ARHGAP19: variants seen among roughly 807,000 people sequenced by gnomAD.
ARHGAP19 encodes the protein rho GTPase-activating protein 19.
Under a neutral mutation model 60.9 loss-of-function variants are expected in ARHGAP19, and 48 were observed. That is an observed-to-expected ratio of 0.79 (90% CI 0.62 to 1.00). The LOEUF is 1.00. Ranked by LOEUF, ARHGAP19 falls within the 50% of genes least tolerant of loss-of-function variation. The pLI is 0.00. For missense variants in ARHGAP19, 562 were observed against 597.2 expected (o/e 0.94, Z 0.61); for synonymous variants, 209 against 215.5 (o/e 0.97, Z 0.27).
chr10:97,280,458 CTATTAACT>C (rs1448759067), intron 1 of ARHGAP19, among the ~76,000 whole-genome samples: 1 of 151,984 alleles, frequency 6.6e-6, no homozygotes, highest in Admixed American at 6.6e-5. Flanking sequence ...TCAAAATTCC[CTATTAACT>C]TGGAAAAAGT....
At chr10:97,270,502 TA>T in intron 1 of ARHGAP19, 1 of 836,522 alleles carries the variant, frequency 1.2e-6, no homozygotes. Context: ...TGTATAGGAC[TA>T]AAGAAAAAAC....
intron 8 of ARHGAP19, among the ~76,000 whole-genome samples, chr10:97,243,513 CT>C (rs1203565314): frequency 6.6e-6 from 1 of 152,168 alleles, no homozygotes; most frequent in Non-Finnish European, 1.5e-5. Flanking sequence ...GCAAACAACT[CT>C]GTTAGTAAAA....
chr10:97,229,036 A>G, intron 11 of ARHGAP19, 111 bp downstream of exon 11: 1 of 1,080,480 alleles, frequency 9.3e-7, no homozygotes, highest in Non-Finnish European at 1.4e-6. Flanking sequence ...TGTAATTTTT[A>G]TGTCACTTCT....
intron 6 of ARHGAP19, among the ~76,000 whole-genome samples, chr10:97,249,219 T>G (rs536479407): frequency 3.9e-4 from 60 of 152,242 alleles, no homozygotes; most frequent in African/African-American, 1.2e-3. Flanking sequence ...CCCAATAGAT[T>G]CCAGCAGGAT....
chr10:97,274,464 T>TA (rs60869967), intron 1 of ARHGAP19, among the ~76,000 whole-genome samples: 13,972 of 142,268 alleles, frequency 0.098, 1,589 homozygotes, highest in African/African-American at 0.28. Context: ...GACTCCATCT[T>TA]AAAAAAAAAA....
intron 1 of ARHGAP19, among the ~76,000 whole-genome samples, chr10:97,279,667 T>C (rs370532668): frequency 2.3e-4 from 35 of 152,174 alleles, no homozygotes; most frequent in Non-Finnish European, 1.9e-4. Context: ...TAATTTTTTT[T>C]TATTATTTGT....
At chr10:97,286,437 CA>C (rs1843156201) in intron 1 of ARHGAP19, among the ~76,000 whole-genome samples, 1 of 152,154 alleles carries the variant, frequency 6.6e-6, no homozygotes, top group Non-Finnish European at 1.5e-5. Flanking sequence ...ACTAAAAATA[CA>C]AAAATTAGCT....
At position 97,265,076 on chromosome 10, in the gene ARHGAP19, TC is replaced by T. The variant is rs538650524; in HGVS notation, c.323-171del. ...CACCAGAAAACGCGAGCAGGACAAC[TC>T]TCAATCAGCTCTCTCTAAGTTCAAT... is the stretch of plus-strand genomic sequence containing the variant. On this transcript the variant is annotated intron_variant, in intron 2 of 11. Transcript: ENST00000358531. Among the ~76,000 whole-genome samples the T allele has an allele frequency of 3.0e-4, 46 of 152,228 alleles. 1 individual carries two copies. The South Asian group carries it at 9.3e-3, about 31-fold the overall frequency.
chr10:97,242,646 G>A, intron 8 of ARHGAP19, among the ~76,000 whole-genome samples: 1 of 152,128 alleles, frequency 6.6e-6, no homozygotes, highest in Non-Finnish European at 1.5e-5. Context: ...CCGAGTAGCT[G>A]GGATTACAAG....
At chr10:97,234,614 A>G (rs544153522) in intron 9 of ARHGAP19, among the ~76,000 whole-genome samples, 4 of 152,138 alleles carry the variant, frequency 2.6e-5, no homozygotes, top group Non-Finnish European at 5.9e-5. Context: ...ATATTCCTTC[A>G]CTACATGTTC....
Position 97,256,331 on chromosome 10 carries a change from T to C in ARHGAP19, c.914A>G (p.Gln305Arg), listed in dbSNP as rs17112598. ...TCCCTTACCTACCTTAAAAAGTTTC[T>C]GGGAGTGTTTAATCATAAAAGCCAT... Reference protein sequence around the residue: ...SGMAFMIKHSQKLFKAPAYIR... With the variant: ...SGMAFMIKHSRKLFKAPAYIR... The change falls in exon 6 of 12, where the codon CAG becomes CGG. Residue 305 changes from glutamine (Q) to arginine (R), a missense_variant. Transcript: ENST00000358531. The C allele has an allele frequency of 0.014, 22,366 of 1,613,878 alleles. 612 individuals are homozygous for C. The highest frequency in any genetic ancestry group is 0.09 in the South Asian group (8,200 of 91,060).
At chr10:97,244,943 G>A (rs1842541933) in intron 7 of ARHGAP19, among the ~76,000 whole-genome samples, 1 of 149,684 alleles carries the variant, frequency 6.7e-6, no homozygotes, top group African/African-American at 2.5e-5. Context: ...GCTTAGAACA[G>A]GAAAGAAAGG....
chr10:97,280,922 A>C (rs1276078394), intron 1 of ARHGAP19, among the ~76,000 whole-genome samples: 3 of 152,320 alleles, frequency 2.0e-5, no homozygotes, highest in South Asian at 4.1e-4. Flanking sequence ...CAGGCAATTA[A>C]AACTAGAAGT....
intron 1 of ARHGAP19, among the ~76,000 whole-genome samples, chr10:97,278,470 G>A (rs1207391076): frequency 1.3e-5 from 2 of 152,116 alleles, no homozygotes; most frequent in Non-Finnish European, 2.9e-5. Context: ...TCACTTTAAA[G>A]CCTGAAAGCT....
chr10:97,244,214 G>C, intron 7 of ARHGAP19, 55 bp from the exon 8 acceptor site: 1 of 1,463,920 alleles, frequency 6.8e-7, no homozygotes, highest in Non-Finnish European at 9.2e-7. Flanking sequence ...CTTTGTTTTG[G>C]GGTTCTTACA....
chr10:97,279,375 T>C (rs1175494734), intron 1 of ARHGAP19, among the ~76,000 whole-genome samples: 3 of 152,214 alleles, frequency 2.0e-5, no homozygotes, highest in Non-Finnish European at 2.9e-5. Context: ...TTTTATAGTA[T>C]GGACTACAAA....
Position 97,224,612 on chromosome 10 carries a change from C to T in ARHGAP19, c.*1510G>A, listed in dbSNP as rs1328586942. Reference sequence around the variant, plus strand: ...GCTCCCCCAGAGTCATCTTTCATTTCAGCAATGGTGCAGCATATTCAACAG... The same window carrying T: ...GCTCCCCCAGAGTCATCTTTCATTTTAGCAATGGTGCAGCATATTCAACAG... On this transcript the variant is annotated 3_prime_UTR_variant, in exon 12 of 12. Transcript: ENST00000358531. 1 of 152,252 alleles carries T rather than the reference C, an allele frequency of 6.6e-6. No individual in the cohort carries two copies. Among genetic ancestry groups the T allele is most frequent in the Non-Finnish European group, 1.5e-5 (1 of 68,044 alleles). The allele number at this position is 152,252 out of a possible 1,614,324, so 9.4% of individuals were successfully genotyped here.
chr10:97,232,222 G>A (rs1158418290), intron 9 of ARHGAP19, among the ~76,000 whole-genome samples: 1 of 136,194 alleles, frequency 7.3e-6, no homozygotes, highest in Admixed American at 8.0e-5. Context: ...GGAGTACAGT[G>A]GCTCAATCTC....
chr10:97,284,291 T>A (rs111615487), intron 1 of ARHGAP19, among the ~76,000 whole-genome samples: 6,887 of 152,050 alleles, frequency 0.045, 259 homozygotes, highest in African/African-American at 0.1. Context: ...CCCAGCTAAT[T>A]TTTGTCTTTT....
Sources: allele counts gnomAD v4.1 joint callset (sites outside exome capture counted in the v4.1 genomes callset), GRCh38; gene constraint gnomAD v4.1.1; transcripts MANE v1.5; gene names NCBI Gene and HGNC (gene_info 2026-07-23, HGNC 2026-07-21).